Variants in PPM1H observed in about 807,000 individuals in gnomAD.
PPM1H encodes protein phosphatase, Mg2+/Mn2+ dependent 1H.
In PPM1H, 27 loss-of-function variants were observed where a neutral mutation model predicts 54.9. The observed-to-expected ratio is 0.49, with a 90% CI of 0.36 to 0.68. The LOEUF (loss-of-function observed/expected upper bound fraction) is 0.68. PPM1H is among the 30% of genes least tolerant of loss of function. The probability of loss-of-function intolerance (pLI) is 0.00; values close to 1 mark genes in which losing one functional copy is unlikely to be tolerated. For missense variants in PPM1H, 596 were observed against 667.8 expected, an observed-to-expected ratio of 0.89 and a Z score of 1.19; for synonymous variants, 305 against 270.8, an observed-to-expected ratio of 1.13 and a Z score of -1.24.
rs375492834 is a variant in PPM1H at position 62,842,355 on chromosome 12, G to C, written c.246-10076C>G. Among the ~76,000 whole-genome samples, 8 of 152,040 alleles carry C rather than the reference G, an allele frequency of 5.3e-5. No homozygotes were observed. In the East Asian group the frequency reaches 1.4e-3, roughly 26 times the overall value. Reference sequence around the variant, plus strand: ...AAACAAAAAATTTTTTTGAAAGTCAGTTTCAAATGTGTAATTTAAACAAAA... The same window carrying C: ...AAACAAAAAATTTTTTTGAAAGTCACTTTCAAATGTGTAATTTAAACAAAA... On this transcript the variant is annotated intron_variant, in intron 1 of 9. Transcript: ENST00000228705.
intron 3 of PPM1H, among the ~76,000 whole-genome samples, chr12:62,795,962 C>T (rs1354954165): frequency 3.3e-5 from 5 of 152,104 alleles, no homozygotes; most frequent in Admixed American, 1.3e-4. Flanking sequence ...CTCCTGGCCT[C>T]AAGTGATCTG....
rs538700309 is a variant in PPM1H at position 62,857,652 on chromosome 12, G to C, written c.246-25373C>G. Among the ~76,000 whole-genome samples the C allele has an allele frequency of 3.9e-5, 6 of 152,224 alleles. No homozygotes were observed. In the East Asian group the frequency reaches 9.7e-4, roughly 25 times the overall value. On this transcript the variant is annotated intron_variant, in intron 1 of 9. Coordinates refer to ENST00000228705, the MANE Select transcript of PPM1H (RefSeq NM_020700.2). ...TGGGTTCAAGTCCACTGAATGTCAA[G>C]TTTTTAAATTTTATTTAAGCCCTTC...
intron 4 of PPM1H, chr12:62,755,383 G>T: frequency 1.3e-6 from 1 of 789,348 alleles, no homozygotes; most frequent in Admixed American, 1.7e-5. Flanking sequence ...TTTTGTCTGT[G>T]GCAAATTCCA....
intron 6 of PPM1H, among the ~76,000 whole-genome samples, chr12:62,719,322 C>A (rs2076251779): frequency 6.6e-6 from 1 of 152,156 alleles, no homozygotes; most frequent in Non-Finnish European, 1.5e-5. Context: ...TTCTTTGACT[C>A]TTTTGGAGAT....
rs2075798320 is a variant in PPM1H at position 62,648,410 on chromosome 12, G to A, written c.*79C>T. ...AGACTGCATCACTTGGAACTCAGCT[G>A]GGGCACTTCCCAGTTCCGTCCTGCC... On this transcript the variant is annotated 3_prime_UTR_variant, in exon 10 of 10. Coordinates refer to ENST00000228705, the MANE Select transcript of PPM1H (RefSeq NM_020700.2). The A allele has an allele frequency of 6.5e-7, 1 of 1,538,198 alleles. No individual in the cohort carries two copies. The highest frequency in any genetic ancestry group is 1.2e-5 in the South Asian group (1 of 83,150).
chr12:62,823,007 TAAAAA>T (rs1565799708), intron 2 of PPM1H, among the ~76,000 whole-genome samples: 1 of 150,874 alleles, frequency 6.6e-6, no homozygotes, highest in South Asian at 2.1e-4. Context: ...GCAAGACTAA[TAAAAA>T]AGAAAAGAGA....
chr12:62,692,342 T>C (rs1021024506), intron 7 of PPM1H, among the ~76,000 whole-genome samples: 2 of 152,224 alleles, frequency 1.3e-5, no homozygotes, highest in Non-Finnish European at 2.9e-5. Context: ...TTGAGGAACA[T>C]GATGTTTTGG....
rs768264670 is a variant in PPM1H at position 62,934,620 on chromosome 12, G to A, written c.117C>T (p.Phe39=). ...CCAGGAACTCTGGCCGCCCGTAGGGGAAACGCAGGGGCAGGTCCGAGCCTC... is the reference window on the plus strand; with the variant it reads ...CCAGGAACTCTGGCCGCCCGTAGGGAAAACGCAGGGGCAGGTCCGAGCCTC... ...SCGGSDLPLR[F]PYGRPEFLGL... Residue 39 remains phenylalanine (F), a synonymous_variant, in exon 1 of 10, where the codon TTC becomes TTT. Coordinates refer to ENST00000228705, the MANE Select transcript of PPM1H (RefSeq NM_020700.2). The surrounding 1 kb of genome is among the most constrained non-coding windows in gnomAD (Gnocchi z 4.2). The A allele has an allele frequency of 6.3e-6, 10 of 1,589,208 alleles. No homozygotes were observed. The highest frequency in any genetic ancestry group is 8.6e-6 in the Non-Finnish European group (10 of 1,169,176).
chr12:62,657,637 T>C (rs953226727), intron 9 of PPM1H, among the ~76,000 whole-genome samples: 1 of 152,230 alleles, frequency 6.6e-6, no homozygotes, highest in African/African-American at 2.4e-5. Context: ...AAACCCTTCC[T>C]TTTTGCATTT....
At chr12:62,715,545 G>A (rs1484276968) in intron 6 of PPM1H, among the ~76,000 whole-genome samples, 2 of 152,102 alleles carry the variant, frequency 1.3e-5, no homozygotes, top group African/African-American at 4.8e-5. Flanking sequence ...AGCCTGCCAA[G>A]CTGCTCCACA....
intron 5 of PPM1H, among the ~76,000 whole-genome samples, chr12:62,728,894 G>A (rs754383086): frequency 6.6e-6 from 1 of 152,166 alleles, no homozygotes; most frequent in East Asian, 1.9e-4. Flanking sequence ...ACTCAAAATT[G>A]CTTGCTAGGG....
At chr12:62,657,510 G>A (rs2075851696) in intron 9 of PPM1H, among the ~76,000 whole-genome samples, 1 of 152,144 alleles carries the variant, frequency 6.6e-6, no homozygotes, top group African/African-American at 2.4e-5. Flanking sequence ...AGATCTGAGT[G>A]TGCTAAACAT....
chr12:62,767,144 T>G (rs1352841035), intron 4 of PPM1H, among the ~76,000 whole-genome samples: 2 of 152,022 alleles, frequency 1.3e-5, no homozygotes, highest in Non-Finnish European at 2.9e-5. Flanking sequence ...GGAGGAAGGT[T>G]GTCATGGGGC....
chr12:62,785,653 C>T (rs2076666550), intron 4 of PPM1H, among the ~76,000 whole-genome samples: 1 of 152,152 alleles, frequency 6.6e-6, no homozygotes, highest in African/African-American at 2.4e-5. Flanking sequence ...TCCAATACCA[C>T]TGCCTTTATA....
intron 8 of PPM1H, among the ~76,000 whole-genome samples, chr12:62,684,376 C>T (rs546356990): frequency 3.3e-5 from 5 of 152,244 alleles, no homozygotes; most frequent in East Asian, 1.9e-4. Flanking sequence ...TTGGCAAACT[C>T]GAGATTTTTC....
intron 2 of PPM1H, among the ~76,000 whole-genome samples, chr12:62,813,400 G>C (rs546033307): frequency 4.6e-5 from 7 of 152,290 alleles, no homozygotes; most frequent in Non-Finnish European, 1.0e-4. Flanking sequence ...GTTTTCATTC[G>C]GGATGACACT....
chr12:62,911,132 G>T (rs1871446713), intron 1 of PPM1H, among the ~76,000 whole-genome samples: 1 of 151,980 alleles, frequency 6.6e-6, no homozygotes, highest in Admixed American at 6.5e-5. Flanking sequence ...TAAATTACTG[G>T]TATTCTTCAG....
intron 1 of PPM1H, among the ~76,000 whole-genome samples, chr12:62,864,574 G>A (rs556222433): frequency 1.3e-5 from 2 of 152,268 alleles, no homozygotes; most frequent in East Asian, 1.9e-4. Flanking sequence ...CAAAATATAC[G>A]TAGATATATG....
chr12:62,706,992 G>C (rs1275335317), intron 6 of PPM1H, among the ~76,000 whole-genome samples: 1 of 152,168 alleles, frequency 6.6e-6, no homozygotes. Context: ...CCTGAGCTTT[G>C]ACGTTCAAAG....
Sources: gnomAD v4.1 joint callset for allele counts (sites outside exome capture counted in the v4.1 genomes callset) on GRCh38, gnomAD v4.1.1 for gene constraint, Gnocchi (gnomAD v3.1) non-coding constraint, MANE v1.5 for transcripts, NCBI Gene and HGNC (gene_info 2026-07-23, HGNC 2026-07-21) for gene names.